The following STXBP5L variants were observed in gnomAD, a reference collection of about 807,000 sequenced individuals.
STXBP5L encodes the protein syntaxin binding protein 5L.
STXBP5L carries 65 observed loss-of-function variants against 144.5 expected under a neutral mutation model. That is an observed-to-expected ratio of 0.45 (90% CI 0.37 to 0.55). The LOEUF (loss-of-function observed/expected upper bound fraction) is 0.55, where lower values mean the gene tolerates loss of function less well. STXBP5L is among the 20% of genes least tolerant of loss of function. The pLI is 0.00. For synonymous variants in STXBP5L, 505 were observed against 469.6 expected, an observed-to-expected ratio of 1.08 and a Z score of -0.97; for missense variants, 1,298 against 1,405.5, an observed-to-expected ratio of 0.92 and a Z score of 1.22.
At chr3:121,169,874 C>A (rs1028655916) in intron 9 of STXBP5L, among the ~76,000 whole-genome samples, 26 of 152,240 alleles carry the variant, frequency 1.7e-4, no homozygotes, top group African/African-American at 6.0e-4. Context: ...ACTCTCCACC[C>A]CAAATCAACA....
chr3:120,958,862 T>A (rs898982748), intron 3 of STXBP5L, among the ~76,000 whole-genome samples: 1 of 152,176 alleles, frequency 6.6e-6, no homozygotes, highest in African/African-American at 2.4e-5. Context: ...GGATGCCCTC[T>A]CTCACCACTC....
chr3:120,959,821 A>G (rs1029203300), intron 3 of STXBP5L, among the ~76,000 whole-genome samples: 1 of 152,198 alleles, frequency 6.6e-6, no homozygotes, highest in Non-Finnish European at 1.5e-5. Flanking sequence ...AACCTAGGCA[A>G]TACCATTCAG....
intron 19 of STXBP5L, among the ~76,000 whole-genome samples, chr3:121,311,117 T>C (rs2043512152): frequency 6.6e-6 from 1 of 152,134 alleles, no homozygotes; most frequent in South Asian, 2.1e-4. Context: ...CCAATAAGCA[T>C]GTGAAAATGT....
chr3:120,971,624 G>T (rs1940263167), intron 3 of STXBP5L, among the ~76,000 whole-genome samples: 1 of 147,954 alleles, frequency 6.8e-6, no homozygotes, highest in Non-Finnish European at 1.5e-5. Flanking sequence ...AGTATTCCAT[G>T]GCACATGCAT....
Position 121,232,254 on chromosome 3 carries a change from A to C in STXBP5L, c.1112-1362A>C, listed in dbSNP as rs72968031. 2.5e-3 allele frequency among the ~76,000 whole-genome samples: 380 copies of C among 152,278 alleles called. 2 individuals carry two copies. Among genetic ancestry groups the C allele is most frequent in the African/African-American group, 8.6e-3 (358 of 41,574 alleles). On this transcript the variant is annotated intron_variant, in intron 11 of 26. Transcript: ENST00000471454. ...ATTTATAATCGAGTGCCACGTGAAC[A>C]TACCCCCTTATTCTTCTTTCAATCA...
intron 2 of STXBP5L, among the ~76,000 whole-genome samples, chr3:120,910,730 G>C (rs1034176953): frequency 2.0e-5 from 3 of 152,044 alleles, no homozygotes; most frequent in East Asian, 1.9e-4. Context: ...TGGTAAACAA[G>C]TGATATATGT....
intron 3 of STXBP5L, among the ~76,000 whole-genome samples, chr3:121,013,706 A>G (rs1944943551): frequency 6.6e-6 from 1 of 151,622 alleles, no homozygotes; most frequent in African/African-American, 2.4e-5. Flanking sequence ...GTTTTGTTGC[A>G]TTTGCCTTTG....
intron 2 of STXBP5L, 78 bp from the exon 3 acceptor site, chr3:120,954,862 G>A: frequency 9.1e-7 from 1 of 1,097,554 alleles, no homozygotes; most frequent in Non-Finnish European, 1.3e-6. Flanking sequence ...TAGACATTCT[G>A]GTGGCTATAT....
At chr3:120,916,892 G>T (rs1038885230) in intron 2 of STXBP5L, among the ~76,000 whole-genome samples, 3 of 152,134 alleles carry the variant, frequency 2.0e-5, no homozygotes, top group Non-Finnish European at 4.4e-5. Flanking sequence ...CCTATAAATT[G>T]ACTAAAAACT....
intron 3 of STXBP5L, among the ~76,000 whole-genome samples, chr3:120,987,118 G>A (rs536694734): frequency 5.9e-5 from 9 of 152,004 alleles, no homozygotes; most frequent in Non-Finnish European, 1.2e-4. Flanking sequence ...GATTCATATT[G>A]AGACACATTA....
At chr3:121,258,956 T>C (rs764845732) in intron 17 of STXBP5L, 87 bp from the exon 18 acceptor site, 15 of 1,326,162 alleles carry the variant, frequency 1.1e-5, no homozygotes, top group Non-Finnish European at 1.5e-5. Context: ...TGTATATTTC[T>C]GTAGCATGAT....
chr3:121,257,051 C>T, intron 16 of STXBP5L, 110 bp from the exon 17 acceptor site: 1 of 810,592 alleles, frequency 1.2e-6, no homozygotes, highest in Non-Finnish European at 1.9e-6. Flanking sequence ...GTGAATGATT[C>T]CTAAAAAGTT....
At chr3:121,263,060 A>G (rs556354870) in intron 18 of STXBP5L, among the ~76,000 whole-genome samples, 11 of 152,302 alleles carry the variant, frequency 7.2e-5, no homozygotes, top group African/African-American at 2.4e-4. Context: ...GACACCTCAT[A>G]CAGGAGAGCT....
At chr3:121,133,167 T>G (rs563374839) in intron 7 of STXBP5L, among the ~76,000 whole-genome samples, 1 of 152,154 alleles carries the variant, frequency 6.6e-6, no homozygotes, top group African/African-American at 2.4e-5. Context: ...CCCAAGAGTT[T>G]GAGACCAGCC....
intron 5 of STXBP5L, among the ~76,000 whole-genome samples, chr3:121,089,811 C>T (rs1207807771): frequency 6.6e-6 from 1 of 151,940 alleles, no homozygotes; most frequent in African/African-American, 2.4e-5. Context: ...AATATTATTA[C>T]ATCCTCTAGG....
chr3:121,327,629 T>A (rs1559979619), intron 20 of STXBP5L, among the ~76,000 whole-genome samples: 1 of 152,250 alleles, frequency 6.6e-6, no homozygotes, highest in Non-Finnish European at 1.5e-5. Flanking sequence ...GATGCTTTCC[T>A]ATGTATTTTG....
chr3:121,094,772 A>T (rs374069253), intron 5 of STXBP5L, among the ~76,000 whole-genome samples: 5 of 152,076 alleles, frequency 3.3e-5, no homozygotes, highest in South Asian at 4.2e-4. Context: ...GTCCATTTAC[A>T]TTGAAAGTTA....
At chr3:121,378,069 A>T (rs1046040774) in intron 20 of STXBP5L, among the ~76,000 whole-genome samples, 1 of 152,188 alleles carries the variant, frequency 6.6e-6, no homozygotes, top group Non-Finnish European at 1.5e-5. Flanking sequence ...TAACACAGGA[A>T]CAGAAAACCA....
chr3:121,333,916 C>A (rs2044412906), intron 20 of STXBP5L, among the ~76,000 whole-genome samples: 2 of 151,934 alleles, frequency 1.3e-5, no homozygotes, highest in South Asian at 2.1e-4. Context: ...GTGTCCCCAC[C>A]CAGATCTCAT....
Sources: allele counts gnomAD v4.1 joint callset (sites outside exome capture counted in the v4.1 genomes callset), GRCh38; gene constraint gnomAD v4.1.1; transcripts MANE v1.5; gene names NCBI Gene and HGNC (gene_info 2026-07-23, HGNC 2026-07-21).